The following CDH12 variants were observed in gnomAD, a reference collection of about 807,000 sequenced individuals.
CDH12 encodes the protein cadherin-12.
Under a neutral mutation model 74.1 loss-of-function variants are expected in CDH12, and 41 were observed. The observed-to-expected ratio is 0.55, with a 90% confidence interval of 0.43 to 0.72. The LOEUF (loss-of-function observed/expected upper bound fraction) is 0.72, where lower values mean the gene tolerates loss of function less well. Ranked by LOEUF, CDH12 falls within the 30% of genes least tolerant of loss-of-function variation. The probability of loss-of-function intolerance (pLI) is 0.00; values close to 1 mark genes in which losing one functional copy is unlikely to be tolerated. For missense variants in CDH12, 945 were observed against 977.2 expected, an observed-to-expected ratio of 0.97 and a Z score of 0.44; for synonymous variants, 399 against 355.0, an observed-to-expected ratio of 1.12 and a Z score of -1.39.
chr5:21,840,898 A>G (rs1749806333), intron 8 of CDH12, among the ~76,000 whole-genome samples: 2 of 152,152 alleles, frequency 1.3e-5, no homozygotes, highest in African/African-American at 4.8e-5. Context: ...TAAAACCATA[A>G]AAACCCTAGA....
intron 1 of CDH12, among the ~76,000 whole-genome samples, chr5:22,821,963 G>A (rs374142790): frequency 7.3e-5 from 11 of 151,446 alleles, no homozygotes; most frequent in East Asian, 5.8e-4. Context: ...GAGGCATCAC[G>A]CTACCTGACT....
chr5:22,692,749 A>G (rs1303643693), intron 1 of CDH12, among the ~76,000 whole-genome samples: 1 of 152,034 alleles, frequency 6.6e-6, no homozygotes, highest in Non-Finnish European at 1.5e-5. Context: ...TGATTGCTTT[A>G]TTTTCTTTCC....
chr5:21,930,361 T>C (rs978459602), intron 6 of CDH12, among the ~76,000 whole-genome samples: 6 of 152,180 alleles, frequency 3.9e-5, no homozygotes, highest in Non-Finnish European at 8.8e-5. Context: ...AAGTTTAAAA[T>C]ATAGAGAGTG....
At chr5:22,053,822 A>G (rs1740556582) in intron 5 of CDH12, among the ~76,000 whole-genome samples, 1 of 151,978 alleles carries the variant, frequency 6.6e-6, no homozygotes, top group Non-Finnish European at 1.5e-5. Context: ...ATGTAATCTA[A>G]TTTTATCATT....
intron 2 of CDH12, among the ~76,000 whole-genome samples, chr5:22,489,403 C>T (rs2126637837): frequency 6.6e-6 from 1 of 151,968 alleles, no homozygotes; most frequent in South Asian, 2.1e-4. Context: ...ATCACTTTCA[C>T]ACCAACCTGT....
At chr5:22,649,746 A>G (rs268984) in intron 1 of CDH12, among the ~76,000 whole-genome samples, 90,353 of 151,678 alleles carry the variant, frequency 0.6, 27,579 homozygotes, top group East Asian at 0.88. Flanking sequence ...TAATCGCTTC[A>G]GAAAAGCTTT....
At chr5:22,305,517 C>G (rs1169408143) in intron 3 of CDH12, among the ~76,000 whole-genome samples, 1 of 151,660 alleles carries the variant, frequency 6.6e-6, no homozygotes, top group African/African-American at 2.4e-5. Flanking sequence ...AGACAAAGTT[C>G]TGGAGATAGA....
rs1747150671 is a variant in CDH12, at chr5:22,777,250, T to C, written c.-523+75808A>G. ...CTACCAAATACCACCCTCTTCCTTC[T>C]ATGGTGAGTGACACAAATCTTCATT... On this transcript the variant is annotated intron_variant, in intron 1 of 14. Coordinates refer to ENST00000382254, the MANE Select transcript of CDH12 (RefSeq NM_004061.5). Among the ~76,000 whole-genome samples, 4 of 152,200 alleles carry C rather than the reference T, an allele frequency of 2.6e-5. No homozygotes were observed. The South Asian group carries it at 8.3e-4, about 31-fold the overall frequency.
chr5:21,929,018 A>G (rs1298699807), intron 6 of CDH12, among the ~76,000 whole-genome samples: 1 of 152,078 alleles, frequency 6.6e-6, no homozygotes, highest in Non-Finnish European at 1.5e-5. Flanking sequence ...CTTCCTGCAC[A>G]GATTTTTGGC....
chr5:22,220,222 G>A (rs146662727), intron 3 of CDH12, among the ~76,000 whole-genome samples: 1 of 151,876 alleles, frequency 6.6e-6, no homozygotes, highest in Admixed American at 6.6e-5. Flanking sequence ...ACATGCGTAT[G>A]TGTGTGTGCA....
chr5:22,626,293 A>C (rs185771985), intron 1 of CDH12, among the ~76,000 whole-genome samples: 5 of 152,320 alleles, frequency 3.3e-5, no homozygotes, highest in Admixed American at 3.3e-4. Context: ...GGGCAAACAC[A>C]GATTCCACTG....
chr5:22,319,025 A>G (rs1738749861), intron 3 of CDH12, among the ~76,000 whole-genome samples: 1 of 152,200 alleles, frequency 6.6e-6, no homozygotes, highest in African/African-American at 2.4e-5. Context: ...ATGACTTTAC[A>G]TAACCTTAGT....
At chr5:22,347,855 ATCTG>A (rs1740183492) in intron 3 of CDH12, among the ~76,000 whole-genome samples, 1 of 152,158 alleles carries the variant, frequency 6.6e-6, no homozygotes, top group Admixed American at 6.5e-5. Flanking sequence ...TGGAATCAGA[ATCTG>A]TCTACCCCAT....
chr5:22,185,025 C>A (rs1273272586), intron 4 of CDH12, among the ~76,000 whole-genome samples: 1 of 152,022 alleles, frequency 6.6e-6, no homozygotes, highest in African/African-American at 2.4e-5. Flanking sequence ...CTCTGAAAGG[C>A]CCCAGTGTGT....
intron 1 of CDH12, among the ~76,000 whole-genome samples, chr5:22,713,469 G>C (rs1366787721): frequency 6.6e-6 from 1 of 151,918 alleles, no homozygotes; most frequent in Non-Finnish European, 1.5e-5. Flanking sequence ...TAGCCTTCTT[G>C]TCTTAGTTTC....
chr5:21,866,260 A>T (rs1751321155), intron 6 of CDH12, among the ~76,000 whole-genome samples: 1 of 152,210 alleles, frequency 6.6e-6, no homozygotes, highest in Non-Finnish European at 1.5e-5. Flanking sequence ...ACTGCTGTAA[A>T]GATACCTGAA....
intron 1 of CDH12, among the ~76,000 whole-genome samples, chr5:22,737,171 T>A (rs1744771236): frequency 6.6e-6 from 1 of 151,930 alleles, no homozygotes; most frequent in Admixed American, 6.6e-5. Flanking sequence ...GATATCTTCT[T>A]GTACCACGAA....
At chr5:22,119,306 T>C (rs979005132) in intron 4 of CDH12, among the ~76,000 whole-genome samples, 3 of 118,892 alleles carry the variant, frequency 2.5e-5, no homozygotes, top group Admixed American at 9.0e-5. Flanking sequence ...TTTTTTTTTT[T>C]CTGAGATGGA....
At chr5:21,809,775 A>C (rs747514450) in intron 9 of CDH12, among the ~76,000 whole-genome samples, 1 of 152,150 alleles carries the variant, frequency 6.6e-6, no homozygotes, top group Non-Finnish European at 1.5e-5. Context: ...TGGGGAAATA[A>C]ACACAGATAT....
Sources: gnomAD v4.1 joint callset for allele counts (sites outside exome capture counted in the v4.1 genomes callset) on GRCh38, gnomAD v4.1.1 for gene constraint, MANE v1.5 for transcripts, NCBI Gene and HGNC (gene_info 2026-07-23, HGNC 2026-07-21) for gene names.